FAM117B: variants seen among roughly 807,000 people sequenced by gnomAD.
FAM117B encodes protein FAM117B.
A neutral mutation model predicts 52.8 loss-of-function variants in FAM117B; 22 were observed. The ratio of observed to expected loss-of-function variants is 0.42; its 90% CI spans 0.30 to 0.59. The LOEUF (loss-of-function observed/expected upper bound fraction) is 0.59. Ranked by LOEUF, FAM117B falls within the 20% of genes least tolerant of loss-of-function variation. FAM117B has a pLI of 0.22. For missense variants in FAM117B, 678 were observed against 802.6 expected, an observed-to-expected ratio of 0.84 and a Z score of 1.88; for synonymous variants, 309 against 324.1, an observed-to-expected ratio of 0.95 and a Z score of 0.50.
rs201147201 is a variant in FAM117B, at chr2:202,653,791, A to AT, written c.601+18012dup. ...TAAAGTGCGGCAAACACCAAAAAAG[A>AT]TTTTTTTTTGCCCTAATCATTTATT... On this transcript the variant is annotated intron_variant, in intron 1 of 7. Coordinates refer to ENST00000392238, the MANE Select transcript of FAM117B (RefSeq NM_173511.4). Among the ~76,000 whole-genome samples the AT allele has an allele frequency of 4.2e-3, 643 of 151,494 alleles. 7 individuals carry two copies. Among genetic ancestry groups the AT allele is most frequent in the African/African-American group, 8.4e-3 (346 of 41,302 alleles).
chr2:202,742,674 A>G (rs1691561797), intron 4 of FAM117B, among the ~76,000 whole-genome samples: 1 of 152,224 alleles, frequency 6.6e-6, no homozygotes. Flanking sequence ...AAGTTTAATT[A>G]TATAAACATT....
rs193005726 is a variant in FAM117B at position 202,694,506 on chromosome 2, A to G, written c.602-1375A>G. ...ACGCCTGGCCAAAACCAACTTTTTTATATGTGTCTTTCCTCACATTACTTA... is the reference window on the plus strand; with the variant it reads ...ACGCCTGGCCAAAACCAACTTTTTTGTATGTGTCTTTCCTCACATTACTTA... On this transcript the variant is annotated intron_variant, in intron 1 of 7. Coordinates refer to ENST00000392238, the MANE Select transcript of FAM117B (RefSeq NM_173511.4). Among the ~76,000 whole-genome samples, 460 of 152,016 alleles carry G rather than the reference A, an allele frequency of 3.0e-3. 5 individuals are homozygous for G. Among genetic ancestry groups the G allele is most frequent in the African/African-American group, 9.4e-3 (388 of 41,466 alleles).
chr2:202,673,653 A>T (rs1379661892), intron 1 of FAM117B, among the ~76,000 whole-genome samples: 1 of 151,566 alleles, frequency 6.6e-6, no homozygotes, highest in Non-Finnish European at 1.5e-5. Flanking sequence ...TCACCATATT[A>T]GTCAGGCTGG....
chr2:202,644,238 A>G (rs1574538449), intron 1 of FAM117B, among the ~76,000 whole-genome samples: 1 of 152,134 alleles, frequency 6.6e-6, no homozygotes, highest in African/African-American at 2.4e-5. Flanking sequence ...TGATTACAGT[A>G]GAGCCTTGTT....
chr2:202,728,180 A>G (rs1468721879), intron 4 of FAM117B, among the ~76,000 whole-genome samples: 2 of 151,858 alleles, frequency 1.3e-5, no homozygotes, highest in Non-Finnish European at 2.9e-5. Flanking sequence ...TTTTGTAGAG[A>G]TGGGGTCTGT....
At chr2:202,690,881 A>G (rs1690610319) in intron 1 of FAM117B, among the ~76,000 whole-genome samples, 1 of 152,138 alleles carries the variant, frequency 6.6e-6, no homozygotes, top group South Asian at 2.1e-4. Flanking sequence ...CTCCTTAATA[A>G]TTAGGCACCA....
At chr2:202,712,714 A>T (rs79868479) in intron 2 of FAM117B, among the ~76,000 whole-genome samples, 2,375 of 152,056 alleles carry the variant, frequency 0.016, 28 homozygotes, top group Non-Finnish European at 0.022. Flanking sequence ...TTATGTGGAG[A>T]TATGTTCCTT....
At chr2:202,670,021 C>A (rs546358179) in intron 1 of FAM117B, among the ~76,000 whole-genome samples, 2 of 152,272 alleles carry the variant, frequency 1.3e-5, no homozygotes, top group Admixed American at 6.5e-5. Context: ...TTCTCACATA[C>A]TGTCTAAGTA....
intron 1 of FAM117B, among the ~76,000 whole-genome samples, chr2:202,641,930 C>T (rs1172208536): frequency 5.3e-5 from 8 of 150,148 alleles, no homozygotes; most frequent in South Asian, 2.1e-4. Flanking sequence ...TGAGCCACCG[C>T]GCCTGGCAGA....
intron 1 of FAM117B, among the ~76,000 whole-genome samples, chr2:202,650,884 G>A (rs901124008): frequency 6.6e-6 from 1 of 152,064 alleles, no homozygotes; most frequent in African/African-American, 2.4e-5. Flanking sequence ...CACCCTGATT[G>A]AGGGTGGGTC....
intron 4 of FAM117B, among the ~76,000 whole-genome samples, chr2:202,740,201 A>AAAAAAAAT (rs1559113324): frequency 2.0e-5 from 3 of 147,622 alleles, no homozygotes; most frequent in African/African-American, 7.5e-5. Context: ...AAAAAAAAAA[A>AAAAAAAAT]ATCCCCAAAT....
chr2:202,664,940 A>G (rs1183405570), intron 1 of FAM117B, among the ~76,000 whole-genome samples: 2 of 152,276 alleles, frequency 1.3e-5, no homozygotes, highest in East Asian at 3.9e-4. Flanking sequence ...AGGAGGCTCC[A>G]CTGTGTTTTC....
At chr2:202,662,229 G>A (rs1690141637) in intron 1 of FAM117B, among the ~76,000 whole-genome samples, 1 of 152,118 alleles carries the variant, frequency 6.6e-6, no homozygotes, top group South Asian at 2.1e-4. Context: ...CTTGTCATTT[G>A]TGGCAGCATG....
chr2:202,667,507 CTG>C, intron 1 of FAM117B, among the ~76,000 whole-genome samples: 1 of 152,050 alleles, frequency 6.6e-6, no homozygotes, highest in African/African-American at 2.4e-5. Flanking sequence ...CGCGCATGTG[CTG>C]TCTCTTTTTC....
At chr2:202,732,737 C>A (rs1027634897) in intron 4 of FAM117B, among the ~76,000 whole-genome samples, 2 of 152,102 alleles carry the variant, frequency 1.3e-5, no homozygotes, top group Non-Finnish European at 2.9e-5. Context: ...AGGAGAATCA[C>A]CTGAACCTGG....
chr2:202,718,251 C>T (rs1338288457), intron 2 of FAM117B, among the ~76,000 whole-genome samples: 2 of 152,222 alleles, frequency 1.3e-5, no homozygotes, highest in African/African-American at 4.8e-5. Flanking sequence ...TCGAGAACCC[C>T]AACAGTCTGC....
chr2:202,639,882 G>T (rs551855246), intron 1 of FAM117B, among the ~76,000 whole-genome samples: 262 of 152,192 alleles, frequency 1.7e-3, no homozygotes, highest in Middle Eastern at 3.4e-3. Context: ...TTTCAAATTG[G>T]TGATAACATT....
chr2:202,692,711 T>G (rs984706297), intron 1 of FAM117B, among the ~76,000 whole-genome samples: 5 of 152,218 alleles, frequency 3.3e-5, no homozygotes, highest in African/African-American at 1.2e-4. Flanking sequence ...AATTTGACTT[T>G]TCACCCAGAC....
chr2:202,697,135 T>C (rs986267250), intron 2 of FAM117B, among the ~76,000 whole-genome samples: 1 of 152,120 alleles, frequency 6.6e-6, no homozygotes, highest in African/African-American at 2.4e-5. Context: ...GATGAAGAAG[T>C]TGAGGTCTAA....
Sources: gnomAD v4.1 joint callset for allele counts (sites outside exome capture counted in the v4.1 genomes callset) on GRCh38, gnomAD v4.1.1 for gene constraint, MANE v1.5 for transcripts, NCBI Gene and HGNC (gene_info 2026-07-23, HGNC 2026-07-21) for gene names.